POMGNT2: variants seen among roughly 807,000 people sequenced by gnomAD.
The protein encoded by POMGNT2 is protein O-linked-mannose beta-1,4-N-acetylglucosaminyltransferase 2.
Under a neutral mutation model 37.8 loss-of-function variants are expected in POMGNT2, and 32 were observed. That is an observed-to-expected ratio of 0.85 (90% CI 0.64 to 1.14). The LOEUF (loss-of-function observed/expected upper bound fraction) is 1.14. Ranked by LOEUF, POMGNT2 falls within the 50% of genes most tolerant of loss-of-function variation. POMGNT2 has a pLI of 0.00. For missense variants in POMGNT2, 705 were observed against 780.6 expected (o/e 0.90, Z 1.15); for synonymous variants, 340 against 336.8 (o/e 1.01, Z -0.10).
chr3:43,080,660 G>T lies in POMGNT2; in HGVS notation c.772C>A (p.Leu258Ile). The T allele has an allele frequency of 6.2e-7, 1 of 1,614,222 alleles. No individual in the cohort carries two copies. The highest frequency in any genetic ancestry group is 8.5e-7 in the Non-Finnish European group (1 of 1,180,032). Residue 258 changes from leucine (L) to isoleucine (I), a missense_variant, in exon 2 of 2, where the codon CTC becomes ATC. Leu to Ile is a conservative substitution (Grantham distance 5). Coordinates refer to ENST00000344697, the MANE Select transcript of POMGNT2 (RefSeq NM_032806.6). ...TGCCGGATCTCATTGCCTGAGACGA[G>T]GATGTTGGCCTTCGGGCCCTGGGGC... ...VQPQGPKANI[L>I]VSGNEIRQFA...
chr3:43,105,605 A>G (rs1374295845), intron 1 of POMGNT2, among the ~76,000 whole-genome samples: 2 of 45,048 alleles, frequency 4.4e-5, no homozygotes, highest in Admixed American at 6.1e-4. Flanking sequence ...CCCGACCCTG[A>G]GGGTCCACCC....
At position 43,096,958 on chromosome 3, in the gene POMGNT2, C is replaced by T. The variant is rs770512288; in HGVS notation, c.-106+8878G>A. 3.5e-4 allele frequency among the ~76,000 whole-genome samples: 53 copies of T among 152,266 alleles called. 1 individual carries two copies. Among genetic ancestry groups the T allele is most frequent in the Non-Finnish European group, 8.8e-5 (6 of 68,022 alleles). ...TTTCTAGGATCCCAGCTGTTCCGAG[C>T]ATCAGAGGATAATGTCAAAAATGCT... On this transcript the variant is annotated intron_variant, in intron 1 of 1. Transcript: ENST00000344697.
intron 1 of POMGNT2, among the ~76,000 whole-genome samples, chr3:43,086,890 T>G: frequency 6.6e-6 from 1 of 152,040 alleles, no homozygotes; most frequent in East Asian, 1.9e-4. Context: ...ATGACCTTAT[T>G]TGGAAAAAGG....
chr3:43,094,289 T>A (rs2089963849), intron 1 of POMGNT2, among the ~76,000 whole-genome samples: 1 of 152,172 alleles, frequency 6.6e-6, no homozygotes, highest in South Asian at 2.1e-4. Context: ...CCTTTCCCCA[T>A]CACCACATCG....
chr3:43,084,639 A>G (rs990519505), intron 1 of POMGNT2, among the ~76,000 whole-genome samples: 1 of 140,440 alleles, frequency 7.1e-6, no homozygotes, highest in African/African-American at 2.6e-5. Flanking sequence ...ACAGAGCGAG[A>G]CTCCGTCTCA....
At chr3:43,105,452 T>C (rs1317548042) in intron 1 of POMGNT2, among the ~76,000 whole-genome samples, 1 of 144,432 alleles carries the variant, frequency 6.9e-6, no homozygotes, top group Non-Finnish European at 1.5e-5. Context: ...CCCCGCCAAA[T>C]GTGCACCACC....
intron 1 of POMGNT2, among the ~76,000 whole-genome samples, chr3:43,101,359 T>C (rs1037561624): frequency 2.0e-5 from 3 of 152,154 alleles, no homozygotes; most frequent in African/African-American, 7.2e-5. Flanking sequence ...AGCTACTTTG[T>C]AGGGCAGTGA....
At chr3:43,102,025 C>A (rs569536840) in intron 1 of POMGNT2, among the ~76,000 whole-genome samples, 1 of 152,096 alleles carries the variant, frequency 6.6e-6, no homozygotes, top group South Asian at 2.1e-4. Flanking sequence ...GCCATCCCTG[C>A]AGGCCAGCAG....
chr3:43,096,585 T>C (rs115917871), intron 1 of POMGNT2, among the ~76,000 whole-genome samples: 16 of 152,224 alleles, frequency 1.1e-4, no homozygotes, highest in African/African-American at 3.9e-4. Context: ...CCAGGCACCA[T>C]TTGGACCTCA....
rs774060112 is a variant in POMGNT2, at chr3:43,081,217, C to T, written c.215G>A (p.Arg72His). Residue 72 changes from arginine (R) to histidine (H), a missense_variant, in exon 2 of 2, where the codon CGC becomes CAC. By Grantham distance (29) the Arg-to-His change is conservative. Transcript: ENST00000344697. ...EGGTHMVCTGRTHTDRICRFK... is the reference protein window; with the variant it reads ...EGGTHMVCTGHTHTDRICRFK... ...GCGGCAGATGCGGTCTGTGTGCGTG[C>T]GGCCCGTGCACACCATGTGTGTGCC... 1.1e-5 allele frequency: 18 copies of T among 1,613,978 alleles called. No individual in the cohort carries two copies. In the South Asian group the frequency reaches 1.2e-4, roughly 11 times the overall value.
chr3:43,080,666 T>C lies in POMGNT2; in HGVS notation c.766A>G (p.Asn256Asp), dbSNP rs2089842987. ...GFVQPQGPKA[N>D]ILVSGNEIRQ... ...ATCTCATTGCCTGAGACGAGGATGT[T>C]GGCCTTCGGGCCCTGGGGCTGCACA... The change falls in exon 2 of 2, where the codon AAC becomes GAC. Residue 256 changes from asparagine to aspartate, a missense_variant. Physicochemically the swap from Asn to Asp is conservative, Grantham distance 23. Transcript: ENST00000344697. 1.5e-5 allele frequency: 25 copies of C among 1,614,214 alleles called. No homozygotes were observed. Among genetic ancestry groups the C allele is most frequent in the Non-Finnish European group, 2.1e-5 (25 of 1,180,032 alleles).
Position 43,081,311 on chromosome 3 carries a change from G to A in POMGNT2, c.121C>T (p.Gln41Ter). Residue 41 changes from glutamine to a stop codon, truncating the protein, a stop_gained, in exon 2 of 2, where the codon CAG becomes TAG. Transcript: ENST00000344697. LOFTEE classifies it high-confidence loss of function. ...TLEEELALSR[Q>*]ATEPAPALRI... ...AGTGCTGGGGCTGGCTCTGTGGCCT[G>A]TCGGCTGAGGGCCAGCTCCTCCTCC... is the stretch of plus-strand genomic sequence containing the variant. The A allele has an allele frequency of 6.2e-7, 1 of 1,612,152 alleles. No individual in the cohort carries two copies. The highest frequency in any genetic ancestry group is 1.3e-5 in the African/African-American group (1 of 75,062).
intron 1 of POMGNT2, among the ~76,000 whole-genome samples, chr3:43,097,711 AT>A (rs1180626987): frequency 6.6e-6 from 1 of 152,190 alleles, no homozygotes; most frequent in African/African-American, 2.4e-5. Flanking sequence ...TGGGGGGAAC[AT>A]GATTCAGTCC....
intron 1 of POMGNT2, among the ~76,000 whole-genome samples, chr3:43,083,381 A>G (rs1422389222): frequency 6.6e-6 from 1 of 152,250 alleles, no homozygotes; most frequent in Non-Finnish European, 1.5e-5. Flanking sequence ...CCTCAGGAGT[A>G]GTTGCTAAAT....
At position 43,080,893 on chromosome 3, in the gene POMGNT2, C is replaced by T. The variant is rs763182041; in HGVS notation, c.539G>A (p.Arg180Gln). 1.2e-5 allele frequency: 20 copies of T among 1,614,052 alleles called. No homozygotes were observed. Among genetic ancestry groups the T allele is most frequent in the South Asian group, 3.3e-5 (3 of 91,086 alleles). ...DDLLPLFYTL[R>Q]QFPGLAHEAR... is the part of the protein sequence containing the mutation. The stretch of plus-strand genomic sequence containing the variant: ...CTCGTGGGCCAGGCCGGGAAACTGC[C>T]GCAGGGTGTAGAAGAGTGGCAGCAG... The change falls in exon 2 of 2, where the codon CGG (arginine) becomes CAG (glutamine). Residue 180 changes from arginine (R) to glutamine (Q), a missense_variant. Arg to Gln is a conservative substitution (Grantham distance 43). Transcript: ENST00000344697.
chr3:43,096,670 A>G (rs1273526798), intron 1 of POMGNT2, among the ~76,000 whole-genome samples: 2 of 152,210 alleles, frequency 1.3e-5, no homozygotes, highest in East Asian at 3.9e-4. Context: ...TGCCTCCTCT[A>G]TATTGGGCAC....
In POMGNT2 at chr3:43,080,111, C is replaced by T. The variant is rs1195755326; in HGVS notation, c.1321G>A (p.Glu441Lys). The T allele has an allele frequency of 3.1e-6, 5 of 1,613,862 alleles. No individual in the cohort carries two copies. Among genetic ancestry groups the T allele is most frequent in the Admixed American group, 3.3e-5 (2 of 60,028 alleles). ...VPRHLCCRNP[E>K]WLFRIYQDTK... ...TCCTGGTAGATTCGGAAGAGCCACT[C>T]GGGGTTCCGGCAACAGAGATGCCGT... Residue 441 changes from glutamate to lysine, a missense_variant, in exon 2 of 2, where the codon GAG becomes AAG. By Grantham distance (56) the Glu-to-Lys change is moderately conservative. Coordinates refer to ENST00000344697, the MANE Select transcript of POMGNT2 (RefSeq NM_032806.6).
chr3:43,080,883 G>A lies in POMGNT2; in HGVS notation c.549C>T (p.Pro183=), dbSNP rs1023281263. The A allele has an allele frequency of 9.3e-6, 15 of 1,614,028 alleles. No individual in the cohort carries two copies. Among genetic ancestry groups the A allele is most frequent in the African/African-American group, 4.0e-5 (3 of 74,928 alleles). ...AGAGCCGTGCCTCGTGGGCCAGGCC[G>A]GGAAACTGCCGCAGGGTGTAGAAGA... is the stretch of plus-strand genomic sequence containing the variant. The part of the protein sequence containing the change: ...LPLFYTLRQF[P]GLAHEARLFF... The change falls in exon 2 of 2, where the codon CCC becomes CCT. Residue 183 remains proline, a synonymous_variant. Coordinates refer to ENST00000344697, the MANE Select transcript of POMGNT2 (RefSeq NM_032806.6).
chr3:43,089,200 C>T (rs182571759), intron 1 of POMGNT2, among the ~76,000 whole-genome samples: 6 of 152,344 alleles, frequency 3.9e-5, no homozygotes, highest in East Asian at 3.9e-4. Context: ...TGTCACAGCA[C>T]GGGCAGAAGG....
Sources: allele counts gnomAD v4.1 joint callset (sites outside exome capture counted in the v4.1 genomes callset), GRCh38; gene constraint gnomAD v4.1.1; transcripts MANE v1.5; gene names NCBI Gene and HGNC (gene_info 2026-07-23, HGNC 2026-07-21).